The following ZNF679 variants were observed in gnomAD, a reference collection of about 807,000 sequenced individuals.
The protein encoded by ZNF679 is hypothetical protein MGC42415.
In ZNF679, 10 loss-of-function variants were observed where a neutral mutation model predicts 13.4. The ratio of observed to expected loss-of-function variants is 0.75; its 90% CI spans 0.46 to 1.27. The LOEUF (loss-of-function observed/expected upper bound fraction) is 1.27. Among genes scored for constraint, ZNF679 ranks in the 50% most tolerant of loss-of-function variants. The pLI is 0.00. For missense variants in ZNF679, 525 were observed against 477.8 expected, an observed-to-expected ratio of 1.10 and a Z score of -0.92; for synonymous variants, 179 against 162.5, an observed-to-expected ratio of 1.10 and a Z score of -0.77.
At position 64,266,636 on chromosome 7, in the gene ZNF679, T is replaced by C; in HGVS notation, c.1003T>C (p.Cys335Arg). ...TCEECGKAFN[C>R]SSTLKKHKII... ...TGAAGAATGTGGCAAAGCCTTTAAC[T>C]GCTCCTCAACCCTTAAGAAACATAA... is the stretch of plus-strand genomic sequence containing the variant. Residue 335 changes from cysteine (C) to arginine (R), a missense_variant, in exon 5 of 5, where the codon TGC becomes CGC. Physicochemically the swap from Cys to Arg is radical, Grantham distance 180. Transcript: ENST00000421025. The C allele has an allele frequency of 2.5e-6, 4 of 1,610,614 alleles. No homozygotes were observed. Among genetic ancestry groups the C allele is most frequent in the Non-Finnish European group, 3.4e-6 (4 of 1,177,064 alleles).
chr7:64,253,626 A>G (rs1220691418), intron 2 of ZNF679, among the ~76,000 whole-genome samples: 1 of 152,234 alleles, frequency 6.6e-6, no homozygotes, highest in Non-Finnish European at 1.5e-5. Context: ...CTGAATCCCA[A>G]CAACAGAAAA....
chr7:64,245,792 G>A (rs903743547), intron 1 of ZNF679, among the ~76,000 whole-genome samples: 2 of 152,172 alleles, frequency 1.3e-5, no homozygotes, highest in Non-Finnish European at 2.9e-5. Flanking sequence ...GATCAGCTGA[G>A]GTCAGGAGTT....
chr7:64,234,311 C>T (rs544283204), intron 1 of ZNF679, among the ~76,000 whole-genome samples: 2 of 152,306 alleles, frequency 1.3e-5, no homozygotes, highest in South Asian at 4.1e-4. Flanking sequence ...GGCAAACCTC[C>T]TGGTGGGTAA....
intron 1 of ZNF679, among the ~76,000 whole-genome samples, chr7:64,233,427 G>A (rs1787667940): frequency 6.6e-6 from 1 of 152,036 alleles, no homozygotes; most frequent in Non-Finnish European, 1.5e-5. Context: ...GGAGGTTGAG[G>A]CTGCAGTGAG....
At chr7:64,248,934 G>A in intron 1 of ZNF679, 94 bp from the exon 2 acceptor site, 2 of 861,340 alleles carry the variant, frequency 2.3e-6, no homozygotes, top group Admixed American at 2.7e-5. Flanking sequence ...CCAATCAGGG[G>A]CCATATATTA....
At position 64,266,681 on chromosome 7, in the gene ZNF679, A is replaced by C. The variant is rs1788157816; in HGVS notation, c.1048A>C (p.Lys350Gln). ...ACATAAGATAATTCATACTGGAGAGAAACCCTACAAATGTAAAGAATGTGG... is the reference window on the plus strand; with the variant it reads ...ACATAAGATAATTCATACTGGAGAGCAACCCTACAAATGTAAAGAATGTGG... Reference protein sequence around the residue: ...KKHKIIHTGEKPYKCKECGKA... With the variant: ...KKHKIIHTGEQPYKCKECGKA... The change falls in exon 5 of 5, where the codon AAA (lysine) becomes CAA (glutamine). Residue 350 changes from lysine to glutamine, a missense_variant. Coordinates refer to ENST00000421025, the MANE Select transcript of ZNF679 (RefSeq NM_153363.3). The C allele has an allele frequency of 6.2e-7, 1 of 1,613,594 alleles. No homozygotes were observed. The highest frequency in any genetic ancestry group is 1.3e-5 in the African/African-American group (1 of 75,018).
chr7:64,241,289 C>T (rs1262689240), intron 1 of ZNF679, among the ~76,000 whole-genome samples: 1 of 152,226 alleles, frequency 6.6e-6, no homozygotes, highest in Non-Finnish European at 1.5e-5. Flanking sequence ...ATCATTCCAC[C>T]TGTAAGCTGT....
chr7:64,258,429 G>C (rs1404699906), intron 2 of ZNF679, among the ~76,000 whole-genome samples: 2 of 152,104 alleles, frequency 1.3e-5, no homozygotes, highest in African/African-American at 4.8e-5. Context: ...CGGGCCGGGC[G>C]TGGTGGCTTA....
chr7:64,262,455 G>T lies in ZNF679; in HGVS notation c.262+1526G>T, dbSNP rs188267627. ...TATTTTTTTTCTAAGAATTTCGTTA[G>T]TTTTTTTCCAAAGTATTTTGTTTAA... On this transcript the variant is annotated intron_variant, in intron 4 of 4. Transcript: ENST00000421025. Among the ~76,000 whole-genome samples, 280 of 152,154 alleles carry T rather than the reference G, an allele frequency of 1.8e-3. 1 individual carries two copies. The highest frequency in any genetic ancestry group is 6.1e-3 in the African/African-American group (252 of 41,536).
Position 64,260,299 on chromosome 7 carries a change from T to A in ZNF679, c.118T>A (p.Leu40Ile), listed in dbSNP as rs1554373012. The A allele has an allele frequency of 6.2e-7, 1 of 1,613,086 alleles. No individual in the cohort carries two copies. Among genetic ancestry groups the A allele is most frequent in the East Asian group, 2.2e-5 (1 of 44,840 alleles). The change falls in exon 3 of 5, where the codon TTA becomes ATA. Residue 40 changes from leucine (L) to isoleucine (I), a missense_variant. Leu to Ile is a conservative substitution (Grantham distance 5). Transcript: ENST00000421025. ...ATGCCTGGATCACGCTCAGCAGAAT[T>A]TATATAGAGATGTGATGTTAGAGAA... ...WQCLDHAQQNLYRDVMLENYR... is the reference protein window; with the variant it reads ...WQCLDHAQQNIYRDVMLENYR...
intron 4 of ZNF679, among the ~76,000 whole-genome samples, chr7:64,261,845 T>C (rs1788081429): frequency 6.7e-6 from 1 of 150,100 alleles, no homozygotes; most frequent in Non-Finnish European, 1.5e-5. Flanking sequence ...TAATCATTTG[T>C]CCAATTCTTT....
At chr7:64,231,331 G>T (rs1787636566) in intron 1 of ZNF679, among the ~76,000 whole-genome samples, 1 of 152,248 alleles carries the variant, frequency 6.6e-6, no homozygotes, top group Admixed American at 6.5e-5. Context: ...TCACCTTAGT[G>T]CTAGGCAAGG....
intron 2 of ZNF679, among the ~76,000 whole-genome samples, chr7:64,254,876 T>C (rs1193625865): frequency 6.6e-6 from 1 of 151,594 alleles, no homozygotes; most frequent in Non-Finnish European, 1.5e-5. Context: ...GACAGGTGCC[T>C]GTAATCCCAG....
chr7:64,248,267 C>T (rs1288310395), intron 1 of ZNF679, among the ~76,000 whole-genome samples: 1 of 151,900 alleles, frequency 6.6e-6, no homozygotes, highest in East Asian at 1.9e-4. Flanking sequence ...GGTCTCTGCC[C>T]GGACATGTGG....
At chr7:64,239,446 A>G (rs10085613) in intron 1 of ZNF679, among the ~76,000 whole-genome samples, 45,585 of 152,056 alleles carry the variant, frequency 0.3, 7,640 homozygotes, top group East Asian at 0.48. Context: ...CTTCCTGCAG[A>G]TGTAACTGTG....
intron 1 of ZNF679, among the ~76,000 whole-genome samples, chr7:64,234,595 C>G (rs1412262427): frequency 6.6e-6 from 1 of 152,258 alleles, no homozygotes; most frequent in East Asian, 1.9e-4. Flanking sequence ...CCCAGCACCT[C>G]TAGATGAGAG....
chr7:64,233,294 C>T (rs534556848), intron 1 of ZNF679, among the ~76,000 whole-genome samples: 3 of 151,186 alleles, frequency 2.0e-5, no homozygotes, highest in Admixed American at 2.0e-4. Flanking sequence ...AGTCATAGAC[C>T]AGCTTGGGCA....
At chr7:64,249,005 C>G in intron 1 of ZNF679, 23 bp from the exon 2 acceptor site, 1 of 1,505,252 alleles carries the variant, frequency 6.6e-7, no homozygotes, top group Non-Finnish European at 9.1e-7. Flanking sequence ...TTTTCCGGGT[C>G]CTTTGTGTTT....
In ZNF679 at chr7:64,266,879, G is replaced by A; in HGVS notation, c.*10G>A. 2 of 1,546,678 alleles carry A rather than the reference G, an allele frequency of 1.3e-6. No homozygotes were observed. Among genetic ancestry groups the A allele is most frequent in the Non-Finnish European group, 1.7e-6 (2 of 1,147,540 alleles). ...CTACAAATGTGAATAATGTGATAAAGTCCAGCCTTCAGACCTTATAATACA... is the reference window on the plus strand; with the variant it reads ...CTACAAATGTGAATAATGTGATAAAATCCAGCCTTCAGACCTTATAATACA... On this transcript the variant is annotated 3_prime_UTR_variant, in exon 5 of 5. Coordinates refer to ENST00000421025, the MANE Select transcript of ZNF679 (RefSeq NM_153363.3).
Sources: allele counts gnomAD v4.1 joint callset (sites outside exome capture counted in the v4.1 genomes callset), GRCh38; gene constraint gnomAD v4.1.1; transcripts MANE v1.5; gene names NCBI Gene and HGNC (gene_info 2026-07-23, HGNC 2026-07-21).